Variants in TRAPPC9 observed in about 807,000 individuals in gnomAD.
TRAPPC9 encodes trafficking protein particle complex subunit 9.
In TRAPPC9, 83 loss-of-function variants were observed where a neutral mutation model predicts 124.0. The observed-to-expected ratio is 0.67, with a 90% CI of 0.56 to 0.80. TRAPPC9 has a LOEUF of 0.80. TRAPPC9 is among the 30% of genes least tolerant of loss of function. TRAPPC9 has a pLI of 0.00. For synonymous variants in TRAPPC9, 638 were observed against 617.5 expected (o/e 1.03, Z -0.49); for missense variants, 1,302 against 1,508.3 (o/e 0.86, Z 2.27).
chr8:140,316,455 T>C (rs181651652), intron 9 of TRAPPC9, among the ~76,000 whole-genome samples: 2 of 152,330 alleles, frequency 1.3e-5, no homozygotes, highest in East Asian at 3.9e-4. Context: ...TTGAGAGTTT[T>C]TATCATGAAG....
At chr8:140,138,517 T>C (rs370960370) in intron 17 of TRAPPC9, among the ~76,000 whole-genome samples, 79 of 152,252 alleles carry the variant, frequency 5.2e-4, no homozygotes, top group African/African-American at 1.9e-3. Flanking sequence ...CTCAGTGTGA[T>C]GTGCTCTCAC....
At chr8:139,898,262 C>T (rs1023453072) in intron 20 of TRAPPC9, among the ~76,000 whole-genome samples, 4 of 152,346 alleles carry the variant, frequency 2.6e-5, no homozygotes, top group South Asian at 2.1e-4. Flanking sequence ...TCCACGGTAG[C>T]GCCAGCCACC....
At chr8:140,081,435 T>C (rs1044804995) in intron 17 of TRAPPC9, among the ~76,000 whole-genome samples, 10 of 144,686 alleles carry the variant, frequency 6.9e-5, no homozygotes, top group African/African-American at 2.5e-4. Context: ...GACCTCCGCC[T>C]CCCAGGTTCA....
At chr8:139,850,299 G>A (rs571267654) in intron 21 of TRAPPC9, among the ~76,000 whole-genome samples, 2 of 152,354 alleles carry the variant, frequency 1.3e-5, no homozygotes, top group African/African-American at 4.8e-5. Context: ...TTACCCTGCA[G>A]ATGGCTGGTT....
chr8:139,878,486 A>G (rs1829474389), intron 21 of TRAPPC9, among the ~76,000 whole-genome samples: 1 of 81,398 alleles, frequency 1.2e-5, no homozygotes, highest in Admixed American at 1.4e-4. Context: ...GAAGGAACTC[A>G]TATTTGAACC....
chr8:139,860,448 C>T (rs1828055601), intron 21 of TRAPPC9, among the ~76,000 whole-genome samples: 1 of 152,224 alleles, frequency 6.6e-6, no homozygotes, highest in African/African-American at 2.4e-5. Context: ...GAATGAATGG[C>T]TGTTTCCGGG....
intron 9 of TRAPPC9, among the ~76,000 whole-genome samples, chr8:140,352,598 C>T (rs2067620963): frequency 6.6e-6 from 1 of 152,256 alleles, no homozygotes; most frequent in South Asian, 2.1e-4. Flanking sequence ...TGCACTGAAT[C>T]CCCGGTTACA....
At chr8:140,262,786 A>T (rs913092945) in intron 15 of TRAPPC9, 2 of 152,236 alleles carry the variant, frequency 1.3e-5, no homozygotes, top group Admixed American at 1.3e-4. Context: ...TGATTGTTGA[A>T]TAATACAAAG....
chr8:140,224,177 T>C (rs10448122), intron 16 of TRAPPC9, among the ~76,000 whole-genome samples: 3 of 152,118 alleles, frequency 2.0e-5, no homozygotes, highest in Non-Finnish European at 4.4e-5. Flanking sequence ...CACAAGCAGC[T>C]CAGGCTGAAT....
At chr8:139,815,531 A>G (rs1586906982) in intron 21 of TRAPPC9, among the ~76,000 whole-genome samples, 1 of 151,904 alleles carries the variant, frequency 6.6e-6, no homozygotes, top group Non-Finnish European at 1.5e-5. Flanking sequence ...GGGATTACAG[A>G]CTTGCGCCAC....
chr8:140,260,554 A>G (rs2064380391), intron 15 of TRAPPC9, among the ~76,000 whole-genome samples: 3 of 152,254 alleles, frequency 2.0e-5, no homozygotes, highest in South Asian at 4.1e-4. Context: ...GTGCAAACTA[A>G]TTAGGTAAGT....
intron 8 of TRAPPC9, among the ~76,000 whole-genome samples, chr8:140,368,364 A>G (rs1294687886): frequency 6.6e-6 from 1 of 152,198 alleles, no homozygotes; most frequent in African/African-American, 2.4e-5. Context: ...GATCTCAGCC[A>G]TCTCACCTGA....
At chr8:139,796,046 AAGG>A (rs747148999) in intron 21 of TRAPPC9, among the ~76,000 whole-genome samples, 21 of 127,514 alleles carry the variant, frequency 1.6e-4, no homozygotes, top group Non-Finnish European at 3.1e-4. Context: ...GGAAGAGGAG[AAGG>A]AGGAGGAAGA....
intron 18 of TRAPPC9, among the ~76,000 whole-genome samples, chr8:140,014,666 C>T (rs577024641): frequency 3.4e-4 from 52 of 152,280 alleles, no homozygotes; most frequent in Non-Finnish European, 4.1e-4. Context: ...GCAGAATAGA[C>T]ACCAGAGTCC....
chr8:140,352,758 A>C (rs1205094774), intron 9 of TRAPPC9, among the ~76,000 whole-genome samples: 1 of 152,146 alleles, frequency 6.6e-6, no homozygotes, highest in Non-Finnish European at 1.5e-5. Context: ...TATAAGACAA[A>C]TTATAACAGC....
rs540957268 is a variant in TRAPPC9, at chr8:139,942,518, T to C, written c.2811-32218A>G. On this transcript the variant is annotated intron_variant, in intron 19 of 22. Coordinates refer to ENST00000438773, the MANE Select transcript of TRAPPC9 (RefSeq NM_001160372.4). ...GAACTTCTTATTGGTGCTTAATAGG[T>C]GTAACAAGAGTTCCACAGTCAGATA... 5.1e-4 allele frequency among the ~76,000 whole-genome samples: 78 copies of C among 152,136 alleles called. 1 individual carries two copies. In the South Asian group the frequency reaches 8.9e-3, roughly 17 times the overall value.
chr8:139,971,742 T>C (rs984930926), intron 19 of TRAPPC9, among the ~76,000 whole-genome samples: 1 of 12,666 alleles, frequency 7.9e-5, no homozygotes, highest in African/African-American at 2.8e-4. Flanking sequence ...CACACACATA[T>C]ATATATACAC....
At chr8:140,266,768 G>A (rs951743738) in intron 15 of TRAPPC9, among the ~76,000 whole-genome samples, 1 of 149,424 alleles carries the variant, frequency 6.7e-6, no homozygotes, top group Non-Finnish European at 1.5e-5. Context: ...GCTGAGGCAG[G>A]AGAATGGTGT....
intron 17 of TRAPPC9, among the ~76,000 whole-genome samples, chr8:140,059,901 T>G (rs866092692): frequency 1.3e-5 from 2 of 152,234 alleles, no homozygotes; most frequent in African/African-American, 2.4e-5. Context: ...CTTTAAATTC[T>G]TAAGCATAAT....
Sources: gnomAD v4.1 joint callset for allele counts (sites outside exome capture counted in the v4.1 genomes callset) on GRCh38, gnomAD v4.1.1 for gene constraint, MANE v1.5 for transcripts, NCBI Gene and HGNC (gene_info 2026-07-23, HGNC 2026-07-21) for gene names.